Variants in TAS2R1 observed in about 807,000 individuals in gnomAD.
TAS2R1 encodes taste receptor type 2 member 1.
For synonymous variants in TAS2R1, 141 were observed against 134.2 expected, an observed-to-expected ratio of 1.05 and a Z score of -0.35; for missense variants, 370 against 353.4, an observed-to-expected ratio of 1.05 and a Z score of -0.38.
At chr5:9,812,454 G>C in the TAS2R1 span, among the ~76,000 whole-genome samples, 1 of 152,068 alleles carries the variant, frequency 6.6e-6, no homozygotes, top group Non-Finnish European at 1.5e-5. Flanking sequence ...TGGGCTCTAA[G>C]TGTGAAGGTA....
chr5:9,628,968 T>G lies in TAS2R1; in HGVS notation c.*165A>C. The G allele has an allele frequency of 1.6e-6, 1 of 641,890 alleles. No individual in the cohort carries two copies. The highest frequency in any genetic ancestry group is 2.4e-6 in the Non-Finnish European group (1 of 412,036). The allele number at this position is 641,890 out of a possible 1,614,324, so 39.8% of individuals were successfully genotyped here. ...GTGCTTTCAAAATCAGTTTAACTGC[T>G]TGAAAAAGTAGCATATCCACAGAAA... On this transcript the variant is annotated 3_prime_UTR_variant, in exon 1 of 1. Transcript: ENST00000382492.
chr5:9,765,256 G>A, the TAS2R1 span, among the ~76,000 whole-genome samples: 2 of 152,164 alleles, frequency 1.3e-5, no homozygotes, highest in East Asian at 3.9e-4. Context: ...TCATTGTGAG[G>A]CTTAGAACAA....
the TAS2R1 span, among the ~76,000 whole-genome samples, chr5:9,808,501 C>T: frequency 6.6e-6 from 1 of 152,042 alleles, no homozygotes; most frequent in Non-Finnish European, 1.5e-5. Context: ...CTTAGCCTAT[C>T]CATATTTTTA....
At chr5:9,817,875 G>T in the TAS2R1 span, among the ~76,000 whole-genome samples, 7 of 151,622 alleles carry the variant, frequency 4.6e-5, no homozygotes, top group African/African-American at 1.7e-4. Flanking sequence ...GAGCGAGAGG[G>T]AGAGGGAGAG....
At chr5:9,630,938 T>C (rs1010673353), upstream of TAS2R1, among the ~76,000 whole-genome samples, 1 of 152,246 alleles carries the variant, frequency 6.6e-6, no homozygotes, top group African/African-American at 2.4e-5. Flanking sequence ...CTGCCTGTAA[T>C]GCTGAAGTGG....
the TAS2R1 span, among the ~76,000 whole-genome samples, chr5:9,804,629 C>T: frequency 1.3e-5 from 2 of 152,244 alleles, no homozygotes; most frequent in Non-Finnish European, 2.9e-5. Flanking sequence ...ATTAAACAAC[C>T]TGTTCCTGAA....
chr5:9,657,771 G>A (rs1579771009), intron 2 of TAS2R1, among the ~76,000 whole-genome samples: 1 of 152,156 alleles, frequency 6.6e-6, no homozygotes, highest in Non-Finnish European at 1.5e-5. Flanking sequence ...CTTAATGAGT[G>A]CAGGGTTTCT....
At chr5:9,687,445 A>T (rs1741150590) in intron 1 of TAS2R1, among the ~76,000 whole-genome samples, 1 of 152,206 alleles carries the variant, frequency 6.6e-6, no homozygotes, top group Admixed American at 6.5e-5. Context: ...CTCAGAAACC[A>T]ATACACCAAA....
the TAS2R1 span, among the ~76,000 whole-genome samples, chr5:9,746,926 A>C: frequency 6.6e-5 from 10 of 152,348 alleles, no homozygotes; most frequent in African/African-American, 2.2e-4. Flanking sequence ...CAGAAGTTAA[A>C]GTAAAATAAA....
chr5:9,796,567 G>A, the TAS2R1 span, among the ~76,000 whole-genome samples: 2 of 151,900 alleles, frequency 1.3e-5, no homozygotes, highest in African/African-American at 4.8e-5. Flanking sequence ...TTGTTGCCCT[G>A]CATACAAAAA....
the TAS2R1 span, among the ~76,000 whole-genome samples, chr5:9,875,249 G>A: frequency 2.9e-4 from 44 of 152,230 alleles, no homozygotes; most frequent in African/African-American, 9.4e-4. Context: ...GGGAGTGGTC[G>A]GGAATGTGGT....
At chr5:9,756,760 A>G in the TAS2R1 span, among the ~76,000 whole-genome samples, 1 of 152,162 alleles carries the variant, frequency 6.6e-6, no homozygotes, top group African/African-American at 2.4e-5. Context: ...TGCAAGGCAA[A>G]GTCGAAAGGG....
chr5:9,884,201 C>T, the TAS2R1 span, among the ~76,000 whole-genome samples: 14 of 152,162 alleles, frequency 9.2e-5, no homozygotes, highest in African/African-American at 3.1e-4. Flanking sequence ...TAGGGCCAGG[C>T]GTGGTGGCTC....
the TAS2R1 span, chr5:9,854,564 G>T: frequency 2.6e-5 from 4 of 152,130 alleles, no homozygotes; most frequent in East Asian, 7.7e-4. Context: ...TGAGACTCAA[G>T]ATTCAATAAT....
chr5:9,804,952 A>G, the TAS2R1 span, among the ~76,000 whole-genome samples: 1 of 152,066 alleles, frequency 6.6e-6, no homozygotes, highest in Non-Finnish European at 1.5e-5. Flanking sequence ...AATGAAACAA[A>G]AAGCTAGTTC....
chr5:9,707,560 G>A (rs1741642170), intron 1 of TAS2R1, among the ~76,000 whole-genome samples: 1 of 152,182 alleles, frequency 6.6e-6, no homozygotes, highest in African/African-American at 2.4e-5. Flanking sequence ...GTGTGTGCCT[G>A]TAGTCCCAGC....
chr5:9,851,441 G>A, the TAS2R1 span, among the ~76,000 whole-genome samples: 5 of 151,318 alleles, frequency 3.3e-5, no homozygotes, highest in African/African-American at 4.9e-5. Flanking sequence ...TCTTTTTTGA[G>A]ACACTAAAGA....
At chr5:9,807,263 C>T in the TAS2R1 span, among the ~76,000 whole-genome samples, 1 of 151,982 alleles carries the variant, frequency 6.6e-6, no homozygotes, top group African/African-American at 2.4e-5. Flanking sequence ...TAGATGATGG[C>T]ATGGATGTAT....
At chr5:9,891,539 T>C in the TAS2R1 span, among the ~76,000 whole-genome samples, 570 of 152,184 alleles carry the variant, frequency 3.7e-3, 6 homozygotes, top group African/African-American at 0.013. Flanking sequence ...GTTCCAAAGG[T>C]GGCTGGGGGA....
Sources: gnomAD v4.1 joint callset for allele counts (sites outside exome capture counted in the v4.1 genomes callset) on GRCh38, gnomAD v4.1.1 for gene constraint, MANE v1.5 for transcripts, NCBI Gene and HGNC (gene_info 2026-07-23, HGNC 2026-07-21) for gene names.